The following NFASC variants were observed in gnomAD, a reference collection of about 807,000 sequenced individuals.
NFASC encodes the protein neurofascin homolog.
In NFASC, 43 loss-of-function variants were observed where a neutral mutation model predicts 147.5. The ratio of observed to expected loss-of-function variants is 0.29; its 90% CI spans 0.23 to 0.38. The LOEUF (loss-of-function observed/expected upper bound fraction) is 0.38, where lower values mean the gene tolerates loss of function less well. Among genes scored for constraint, NFASC ranks in the 10% least tolerant of loss-of-function variants. The pLI, the probability that NFASC is intolerant of heterozygous loss-of-function variation, is 1.00. For missense variants in NFASC, 1,320 were observed against 1,689.0 expected (o/e 0.78, Z 3.83); for synonymous variants, 622 against 665.5 (o/e 0.93, Z 1.01).
At position 205,009,541 on chromosome 1, in the gene NFASC, C is replaced by T. The variant is rs750093676; in HGVS notation, c.3290-16C>T. ...ATGAAATCATTCACGGGTTTGCTTCCGGCCCTCCCCGCCAGCTTACACCAA... is the reference window on the plus strand; with the variant it reads ...ATGAAATCATTCACGGGTTTGCTTCTGGCCCTCCCCGCCAGCTTACACCAA... On this transcript the variant is annotated splice_polypyrimidine_tract_variant and intron_variant, in intron 27 of 29. Transcript: ENST00000339876. 1.5e-5 allele frequency: 25 copies of T among 1,613,566 alleles called. No individual in the cohort carries two copies. The highest frequency in any genetic ancestry group is 1.2e-4 in the South Asian group (11 of 91,082).
intron 25 of NFASC, chr1:204,999,193 G>T (rs531714570): frequency 6.6e-6 from 1 of 151,920 alleles, no homozygotes; most frequent in Non-Finnish European, 1.5e-5. Flanking sequence ...TCCCCTCCCT[G>T]ACCCTTTTTG....
intron 4 of NFASC, among the ~76,000 whole-genome samples, chr1:204,951,294 G>C (rs1335269357): frequency 7.0e-6 from 1 of 142,886 alleles, no homozygotes; most frequent in Non-Finnish European, 1.5e-5. Context: ...GGTTATAGGT[G>C]CTCACCACCA....
chr1:205,007,203 C>T (rs775777722), intron 27 of NFASC, among the ~76,000 whole-genome samples: 2 of 151,470 alleles, frequency 1.3e-5, no homozygotes, highest in Non-Finnish European at 2.9e-5. Context: ...GACCAGCCTC[C>T]ACAACATAGC....
intron 1 of NFASC, among the ~76,000 whole-genome samples, chr1:204,918,511 T>C (rs1472773222): frequency 6.6e-6 from 1 of 152,132 alleles, no homozygotes; most frequent in Non-Finnish European, 1.5e-5. Flanking sequence ...AATCTATGTG[T>C]AGTATGCCAA....
intron 10 of NFASC, among the ~76,000 whole-genome samples, chr1:204,970,099 A>G (rs2095175485): frequency 7.4e-6 from 1 of 135,404 alleles, no homozygotes; most frequent in Admixed American, 7.4e-5. Context: ...AAAAAAAAAA[A>G]GAACTACTCT....
At chr1:204,994,724 CG>C (rs2095810252) in intron 24 of NFASC, among the ~76,000 whole-genome samples, 1 of 152,104 alleles carries the variant, frequency 6.6e-6, no homozygotes, top group Admixed American at 6.6e-5. Flanking sequence ...GGCTTGATCT[CG>C]GCTCACTGCA....
At chr1:204,830,606 TGTG>T (rs1013777112) in intron 1 of NFASC, among the ~76,000 whole-genome samples, 8 of 150,942 alleles carry the variant, frequency 5.3e-5, no homozygotes, top group African/African-American at 1.5e-4. Context: ...GTGTGTGTGT[TGTG>T]ATGTGTGTGT....
intron 1 of NFASC, among the ~76,000 whole-genome samples, chr1:204,861,078 CTTTTTTTT>C (rs1162020795): frequency 3.2e-4 from 22 of 68,946 alleles, no homozygotes; most frequent in East Asian, 6.4e-4. Context: ...ACTTGCTTTC[CTTTTTTTT>C]TTTTTTTTTT....
At position 204,873,687 on chromosome 1, in the gene NFASC, G is replaced by A. The variant is rs144245303; in HGVS notation, c.-200+44905G>A. Among the ~76,000 whole-genome samples, 783 of 152,284 alleles carry A rather than the reference G, an allele frequency of 5.1e-3. 6 individuals carry two copies. Among genetic ancestry groups the A allele is most frequent in the African/African-American group, 0.018 (743 of 41,562 alleles). On this transcript the variant is annotated intron_variant, in intron 1 of 29. Transcript: ENST00000339876. The stretch of plus-strand genomic sequence containing the variant: ...GCTGCTGGGGGCCTTCCATTCTGAG[G>A]CAATGAAGAAGCCAGAGAAAAGAGC...
intron 2 of NFASC, among the ~76,000 whole-genome samples, chr1:204,921,158 G>C (rs1008721280): frequency 2.6e-5 from 4 of 152,154 alleles, no homozygotes; most frequent in African/African-American, 7.2e-5. Flanking sequence ...GCGGGGCATT[G>C]GGCCCTGGCA....
intron 1 of NFASC, among the ~76,000 whole-genome samples, chr1:204,832,554 G>A (rs527769258): frequency 3.3e-5 from 5 of 152,254 alleles, no homozygotes; most frequent in South Asian, 2.1e-4. Context: ...ACAGATTCCC[G>A]CAAATATCCA....
intron 1 of NFASC, among the ~76,000 whole-genome samples, chr1:204,913,418 T>C (rs2149353124): frequency 6.6e-6 from 1 of 152,276 alleles, no homozygotes; most frequent in African/African-American, 2.4e-5. Context: ...AACTCGATTA[T>C]AAAACTACAG....
intron 1 of NFASC, among the ~76,000 whole-genome samples, chr1:204,846,952 C>CGT (rs917596959): frequency 0.016 from 2,034 of 124,606 alleles, 15 homozygotes; most frequent in Middle Eastern, 0.032. Context: ...TGTGTGTACG[C>CGT]GTGTGTGTGT....
chr1:205,004,527 T>G (rs888440934), intron 27 of NFASC, among the ~76,000 whole-genome samples: 1 of 152,228 alleles, frequency 6.6e-6, no homozygotes, highest in Non-Finnish European at 1.5e-5. Context: ...GAGTACATAT[T>G]GTCCACTTCT....
At position 204,867,823 on chromosome 1, in the gene NFASC, G is replaced by A. The variant is rs2077239095; in HGVS notation, c.-200+39041G>A. ...AGCAGAGACAGAGACAGGCCCTGGC[G>A]GGTACCGACTCAGCCCATGGCTGCC... On this transcript the variant is annotated intron_variant, in intron 1 of 29. Coordinates refer to ENST00000339876, the MANE Select transcript of NFASC (RefSeq NM_001005388.3). Among the ~76,000 whole-genome samples the A allele has an allele frequency of 2.0e-5, 3 of 152,144 alleles. No homozygotes were observed. In the South Asian group the frequency reaches 6.2e-4, roughly 32 times the overall value.
At chr1:204,830,041 G>A (rs555784160) in intron 1 of NFASC, among the ~76,000 whole-genome samples, 1 of 150,284 alleles carries the variant, frequency 6.7e-6, no homozygotes, top group South Asian at 2.1e-4. Context: ...GTGTGTGTGT[G>A]TGTGTTGAGC....
In NFASC at chr1:205,009,632, T is replaced by C. The variant is rs754724304; in HGVS notation, c.3365T>C (p.Val1122Ala). ...CTTATGTGCGCCATCGCCCTCCTGG[T>C]GCTGATCCTGCTCATCGTCTGTTTC... The part of the protein sequence containing the change: ...IGLMCAIALL[V>A]LILLIVCFIK... The change falls in exon 28 of 30, where the codon GTG (valine) becomes GCG (alanine). Residue 1122 changes from valine to alanine, a missense_variant. Physicochemically the swap from Val to Ala is moderately conservative, Grantham distance 64. Coordinates refer to ENST00000339876, the MANE Select transcript of NFASC (RefSeq NM_001005388.3). 6.2e-7 allele frequency: 1 copy of C among 1,614,126 alleles called. No homozygotes were observed. The highest frequency in any genetic ancestry group is 8.5e-7 in the Non-Finnish European group (1 of 1,180,018).
intron 1 of NFASC, among the ~76,000 whole-genome samples, chr1:204,872,659 G>A (rs1480918820): frequency 6.6e-6 from 1 of 152,162 alleles, no homozygotes; most frequent in African/African-American, 2.4e-5. Flanking sequence ...TGGAAGATGA[G>A]GGCCTTCATC....
At chr1:204,963,164 G>A (rs117075505) in intron 8 of NFASC, among the ~76,000 whole-genome samples, 89 of 152,282 alleles carry the variant, frequency 5.8e-4, no homozygotes, top group East Asian at 1.7e-3. Context: ...ATGAGGGAGC[G>A]CGAGCCAGGG....
Sources: gnomAD v4.1 joint callset for allele counts (sites outside exome capture counted in the v4.1 genomes callset) on GRCh38, gnomAD v4.1.1 for gene constraint, MANE v1.5 for transcripts, NCBI Gene and HGNC (gene_info 2026-07-23, HGNC 2026-07-21) for gene names.